Variants in DNAI3 observed in about 807,000 individuals in gnomAD.
The protein encoded by DNAI3 is WD repeat domain 63.
In DNAI3, 83 loss-of-function variants were observed where a neutral mutation model predicts 115.5. The observed-to-expected ratio is 0.72, with a 90% CI of 0.60 to 0.86. The LOEUF is 0.86. DNAI3 is among the 40% of genes least tolerant of loss of function. The probability of loss-of-function intolerance (pLI) is 0.00; values close to 1 mark genes in which losing one functional copy is unlikely to be tolerated. For missense variants in DNAI3, 1,004 were observed against 1,075.8 expected, an observed-to-expected ratio of 0.93 and a Z score of 0.93; for synonymous variants, 320 against 347.0, an observed-to-expected ratio of 0.92 and a Z score of 0.86.
rs116655075 is a variant in DNAI3, at chr1:85,087,176, G to A, written c.740+1146G>A. On this transcript the variant is annotated intron_variant, in intron 7 of 22. Coordinates refer to ENST00000294664, the MANE Select transcript of DNAI3 (RefSeq NM_145172.5). Reference sequence around the variant, plus strand: ...AACTTGGCCGGGCACCGTGACTCACGCCTTTAATCCCAGCACTTTGGGAGG... The same window carrying A: ...AACTTGGCCGGGCACCGTGACTCACACCTTTAATCCCAGCACTTTGGGAGG... Among the ~76,000 whole-genome samples the A allele has an allele frequency of 2.1e-3, 315 of 152,072 alleles. 1 individual carries two copies. The highest frequency in any genetic ancestry group is 7.2e-3 in the African/African-American group (298 of 41,462).
At chr1:85,066,051 G>A (rs565599964) in intron 1 of DNAI3, among the ~76,000 whole-genome samples, 7 of 152,276 alleles carry the variant, frequency 4.6e-5, no homozygotes, top group African/African-American at 1.2e-4. Flanking sequence ...TGTTGTTAAC[G>A]TAGAATCTAG....
In DNAI3 at chr1:85,090,200, T is replaced by C. The variant is rs759910086; in HGVS notation, c.825T>C (p.Pro275=). 2 of 1,579,262 alleles carry C rather than the reference T, an allele frequency of 1.3e-6. No homozygotes were observed. Among genetic ancestry groups the C allele is most frequent in the South Asian group, 2.5e-5 (2 of 81,242 alleles). ...EEKETLKQSK[P]LVDFLNNASI... is the part of the protein sequence containing the mutation. ...AAGAGACACTCAAACAATCAAAGCC[T>C]TTGGTTGATTTTCTTAACAATGCAT... is the stretch of plus-strand genomic sequence containing the variant. The change falls in exon 8 of 23, where the codon CCT becomes CCC. Residue 275 remains proline, a synonymous_variant. Coordinates refer to ENST00000294664, the MANE Select transcript of DNAI3 (RefSeq NM_145172.5).
chr1:85,079,719 T>TG (rs1654572143), intron 3 of DNAI3, among the ~76,000 whole-genome samples: 1 of 152,080 alleles, frequency 6.6e-6, no homozygotes, highest in African/African-American at 2.4e-5. Flanking sequence ...TTCTCCTTTG[T>TG]CCTCTAGCGT....
At chr1:85,092,086 G>C (rs1654995062) in intron 8 of DNAI3, among the ~76,000 whole-genome samples, 1 of 152,154 alleles carries the variant, frequency 6.6e-6, no homozygotes, top group Non-Finnish European at 1.5e-5. Context: ...GTGTGCTTAT[G>C]AATCACCTGA....
chr1:85,124,499 T>C (rs1445780656), intron 19 of DNAI3, among the ~76,000 whole-genome samples: 1 of 152,138 alleles, frequency 6.6e-6, no homozygotes, highest in Non-Finnish European at 1.5e-5. Flanking sequence ...TTAACAGTCT[T>C]GGAATATCTA....
rs1216393893 is a variant in DNAI3 at position 85,068,196 on chromosome 1, T to A, written c.-14-3732T>A. 2.0e-5 allele frequency among the ~76,000 whole-genome samples: 3 copies of A among 151,796 alleles called. No homozygotes were observed. The East Asian group carries it at 5.8e-4, about 29-fold the overall frequency. ...TACAAAAATTGGAAAGAAAATACAA[T>A]CCCCATGCTCACAGAGTTTATAGTC... On this transcript the variant is annotated intron_variant, in intron 1 of 22. Transcript: ENST00000294664.
chr1:85,130,780 T>C (rs1656298830), intron 22 of DNAI3, among the ~76,000 whole-genome samples: 1 of 152,142 alleles, frequency 6.6e-6, no homozygotes, highest in African/African-American at 2.4e-5. Flanking sequence ...ATGCTGAAGA[T>C]ATGAAACTTG....
chr1:85,128,161 A>T (rs1295630052), intron 20 of DNAI3, among the ~76,000 whole-genome samples: 1 of 144,274 alleles, frequency 6.9e-6, no homozygotes, highest in East Asian at 2.0e-4. Context: ...GAAGAAGAAG[A>T]AGGAGAAGAA....
At chr1:85,123,509 G>A (rs998327494) in intron 18 of DNAI3, among the ~76,000 whole-genome samples, 7 of 152,174 alleles carry the variant, frequency 4.6e-5, no homozygotes, top group African/African-American at 1.7e-4. Flanking sequence ...GGACTTTGGT[G>A]TGTGTTGTTT....
rs1230482447 is a variant in DNAI3 at position 85,090,142 on chromosome 1, A to G, written c.767A>G (p.Gln256Arg). Residue 256 changes from glutamine to arginine, a missense_variant, in exon 8 of 23, where the codon CAA becomes CGA. Physicochemically the swap from Gln to Arg is conservative, Grantham distance 43. Coordinates refer to ENST00000294664, the MANE Select transcript of DNAI3 (RefSeq NM_145172.5). ...KWTYPKNATT[Q>R]YYPREFSEEE... The stretch of plus-strand genomic sequence containing the variant: ...ACATATCCTAAAAATGCTACTACGC[A>G]ATATTATCCAAGAGAATTCTCAGAA... 3 of 1,579,822 alleles carry G rather than the reference A, an allele frequency of 1.9e-6. No individual in the cohort carries two copies. Among genetic ancestry groups the G allele is most frequent in the Non-Finnish European group, 2.6e-6 (3 of 1,166,502 alleles).
chr1:85,099,197 G>C (rs1655212564), intron 13 of DNAI3: 1 of 947,152 alleles, frequency 1.1e-6, no homozygotes, highest in Non-Finnish European at 1.3e-6. Flanking sequence ...CAAAGCATGG[G>C]ATCTATAAAT....
Position 85,108,140 on chromosome 1 carries a change from T to C in DNAI3, c.1661T>C (p.Phe554Ser), listed in dbSNP as rs1171374505. Residue 554 changes from phenylalanine to serine, a missense_variant, in exon 15 of 23, where the codon TTT (phenylalanine) becomes TCT (serine). Transcript: ENST00000294664. Reference protein sequence around the residue: ...IEIPFDVPSTFLHLDLSWKPL... With the variant: ...IEIPFDVPSTSLHLDLSWKPL... ...ATTCCTTTTGATGTACCATCTACTT[T>C]TTTGCATCTGGATCTCTCCTGGAAA... is the stretch of plus-strand genomic sequence containing the variant. 3 of 1,606,426 alleles carry C rather than the reference T, an allele frequency of 1.9e-6. No homozygotes were observed. The highest frequency in any genetic ancestry group is 2.5e-6 in the Non-Finnish European group (3 of 1,177,436).
intron 8 of DNAI3, among the ~76,000 whole-genome samples, chr1:85,092,138 T>G (rs116065485): frequency 0.018 from 2,709 of 152,268 alleles, 84 homozygotes; most frequent in African/African-American, 0.062. Flanking sequence ...GTAAGTCGGG[T>G]GGAGCCTGCG....
chr1:85,132,365 T>G (rs2100623067), intron 22 of DNAI3, among the ~76,000 whole-genome samples: 1 of 152,324 alleles, frequency 6.6e-6, no homozygotes, highest in Admixed American at 6.5e-5. Context: ...AAACATAAAA[T>G]CTGGAAACAG....
intron 8 of DNAI3, among the ~76,000 whole-genome samples, chr1:85,091,524 A>G (rs1189410727): frequency 2.6e-5 from 4 of 152,246 alleles, no homozygotes; most frequent in African/African-American, 9.6e-5. Flanking sequence ...CACTGCAAAC[A>G]TAACTTCCAG....
chr1:85,090,862 A>C (rs940790985), intron 8 of DNAI3, among the ~76,000 whole-genome samples: 2 of 152,202 alleles, frequency 1.3e-5, no homozygotes, highest in Non-Finnish European at 2.9e-5. Flanking sequence ...GATCCACTGG[A>C]GGACAAGTCT....
chr1:85,069,206 G>A (rs1018176195), intron 1 of DNAI3, among the ~76,000 whole-genome samples: 11 of 152,114 alleles, frequency 7.2e-5, no homozygotes, highest in African/African-American at 2.7e-4. Flanking sequence ...TGCCAGGCAT[G>A]ATCCTTCCCC....
chr1:85,071,855 A>G lies in DNAI3; in HGVS notation c.-14-73A>G, dbSNP rs1302296042. 6 of 1,341,698 alleles carry G rather than the reference A, an allele frequency of 4.5e-6. No homozygotes were observed. In the African/African-American group the frequency reaches 8.9e-5, roughly 20 times the overall value. The allele number at this position is 1,341,698 out of a possible 1,614,324, so 83.1% of individuals were successfully genotyped here. A position where few individuals can be genotyped will look rare whatever the true frequency, so the allele number is the denominator to read the frequency against. ...ATATTCTTATGTTTATTAAATGATA[A>G]TGTTTAGTATTTGAAATTGTAAGTT... On this transcript the variant is annotated intron_variant, in intron 1 of 22. Coordinates refer to ENST00000294664, the MANE Select transcript of DNAI3 (RefSeq NM_145172.5).
intron 6 of DNAI3, among the ~76,000 whole-genome samples, chr1:85,085,120 A>G (rs1571166108): frequency 6.6e-6 from 1 of 152,326 alleles, no homozygotes; most frequent in East Asian, 1.9e-4. Flanking sequence ...AAACCAAGGA[A>G]CACAAGGATT....
Sources: gnomAD v4.1 joint callset for allele counts (sites outside exome capture counted in the v4.1 genomes callset) on GRCh38, gnomAD v4.1.1 for gene constraint, MANE v1.5 for transcripts, NCBI Gene and HGNC (gene_info 2026-07-23, HGNC 2026-07-21) for gene names.